The following TYW1B variants were observed in gnomAD, a reference collection of about 807,000 sequenced individuals.
TYW1B encodes tRNA-yW synthesizing protein 1 homolog B, also known as S-adenosyl-L-methionine-dependent tRNA 4-demethylwyosine synthase TYW1B.
Under a neutral mutation model 86.9 loss-of-function variants are expected in TYW1B, and 73 were observed. The observed-to-expected ratio is 0.84, with a 90% CI of 0.70 to 1.02. TYW1B has a LOEUF of 1.02. Ranked by LOEUF, TYW1B falls within the 50% of genes least tolerant of loss-of-function variation. The pLI, the probability that TYW1B is intolerant of heterozygous loss-of-function variation, is 0.00. For synonymous variants in TYW1B, 248 were observed against 292.8 expected, an observed-to-expected ratio of 0.85 and a Z score of 1.56; for missense variants, 637 against 827.4, an observed-to-expected ratio of 0.77 and a Z score of 2.82.
At chr7:72,636,514 T>C (rs1812671217) in intron 11 of TYW1B, among the ~76,000 whole-genome samples, 1 of 152,238 alleles carries the variant, frequency 6.6e-6, no homozygotes, top group South Asian at 2.1e-4. Flanking sequence ...TGTCTTATTC[T>C]GCACAGTAAG....
intron 10 of TYW1B, among the ~76,000 whole-genome samples, chr7:72,701,579 A>G (rs1194967556): frequency 6.6e-6 from 1 of 152,138 alleles, no homozygotes; most frequent in Non-Finnish European, 1.5e-5. Flanking sequence ...TTTAAATATC[A>G]TTAGTGGCAA....
intron 4 of TYW1B, among the ~76,000 whole-genome samples, chr7:72,809,737 C>T (rs1438881040): frequency 1.3e-5 from 2 of 151,998 alleles, no homozygotes; most frequent in Admixed American, 6.6e-5. Context: ...TGATGGCTCA[C>T]ACCTGTAATC....
intron 13 of TYW1B, among the ~76,000 whole-genome samples, chr7:72,584,787 C>T (rs1342389197): frequency 6.6e-6 from 1 of 152,100 alleles, no homozygotes; most frequent in African/African-American, 2.4e-5. Flanking sequence ...ACTTCAACTT[C>T]TGTTGGCATT....
At chr7:72,613,396 ATCTTCTT>A (rs1195667421) in intron 13 of TYW1B, among the ~76,000 whole-genome samples, 4 of 130,402 alleles carry the variant, frequency 3.1e-5, no homozygotes, top group Non-Finnish European at 6.4e-5. Context: ...TTTACTTTAT[ATCTTCTT>A]TTTTTTTTTT....
chr7:72,656,226 A>G (rs1181640472), intron 11 of TYW1B, among the ~76,000 whole-genome samples: 2 of 152,222 alleles, frequency 1.3e-5, no homozygotes, highest in African/African-American at 4.8e-5. Context: ...TTACAATCCA[A>G]AAAGTCATAA....
chr7:72,663,608 T>TA (rs1813387494), intron 11 of TYW1B, among the ~76,000 whole-genome samples: 1 of 151,080 alleles, frequency 6.6e-6, no homozygotes, highest in East Asian at 2.0e-4. Context: ...TATATATATA[T>TA]AAAAAATTAG....
At chr7:72,703,022 A>AT (rs1814521516) in intron 10 of TYW1B, among the ~76,000 whole-genome samples, 73 of 7,138 alleles carry the variant, frequency 0.01, no homozygotes, top group African/African-American at 0.025. Flanking sequence ...ATATATATAT[A>AT]TATATTTTTT....
At chr7:72,812,591 T>C (rs1325945623) in intron 3 of TYW1B, among the ~76,000 whole-genome samples, 2 of 152,160 alleles carry the variant, frequency 1.3e-5, no homozygotes, top group African/African-American at 4.8e-5. Context: ...CACCAATACA[T>C]TTTCTTGGGG....
At chr7:72,760,384 T>C (rs1585963208) in intron 7 of TYW1B, among the ~76,000 whole-genome samples, 1 of 152,210 alleles carries the variant, frequency 6.6e-6, no homozygotes, top group East Asian at 1.9e-4. Context: ...AGTTTAGCCA[T>C]ATGAACAGGT....
intron 8 of TYW1B, among the ~76,000 whole-genome samples, chr7:72,736,162 G>T (rs1787194056): frequency 6.6e-6 from 1 of 152,148 alleles, no homozygotes; most frequent in Admixed American, 6.6e-5. Flanking sequence ...CCATTGGCTG[G>T]AACAGGACCT....
intron 9 of TYW1B, among the ~76,000 whole-genome samples, chr7:72,720,629 C>T (rs1339120889): frequency 6.6e-6 from 1 of 152,108 alleles, no homozygotes; most frequent in African/African-American, 2.4e-5. Flanking sequence ...CTATTTCTTG[C>T]TCTCTGCCAG....
At chr7:72,731,254 G>A (rs1301540635) in intron 8 of TYW1B, among the ~76,000 whole-genome samples, 3 of 150,748 alleles carry the variant, frequency 2.0e-5, no homozygotes, top group Non-Finnish European at 4.4e-5. Flanking sequence ...TACCAGAAAA[G>A]CTTAAGGAAT....
At chr7:72,789,530 T>C (rs1788183836) in intron 6 of TYW1B, among the ~76,000 whole-genome samples, 3 of 152,196 alleles carry the variant, frequency 2.0e-5, no homozygotes, top group Admixed American at 2.0e-4. Context: ...ACACATGACA[T>C]GTATTAGGAA....
At chr7:72,801,086 C>A (rs1188001962) in intron 6 of TYW1B, among the ~76,000 whole-genome samples, 1 of 152,102 alleles carries the variant, frequency 6.6e-6, no homozygotes, top group African/African-American at 2.4e-5. Context: ...CCCAGCACCA[C>A]AGGAGGCCAA....
At chr7:72,818,578 CA>C (rs57325230) in intron 2 of TYW1B, among the ~76,000 whole-genome samples, 270 of 38,418 alleles carry the variant, frequency 7.0e-3, no homozygotes, top group African/African-American at 0.019. Context: ...GACTCCATCT[CA>C]AAAAAAAAAA....
Position 72,717,170 on chromosome 7 carries a change from G to A in TYW1B, c.1193-3372C>T, listed in dbSNP as rs146828504. The stretch of plus-strand genomic sequence containing the variant: ...ACAAAAATTAGCCAGGCGTGGTGGT[G>A]CATGCTCGTAGGCCCAGCTACTCAG... On this transcript the variant is annotated intron_variant, in intron 9 of 13. Coordinates refer to ENST00000620995, the MANE Select transcript of TYW1B (RefSeq NM_001145440.3). Among the ~76,000 whole-genome samples the A allele has an allele frequency of 2.1e-3, 319 of 152,004 alleles. 9 individuals are homozygous for A. In the East Asian group the frequency reaches 0.042, roughly 20 times the overall value.
intron 12 of TYW1B, among the ~76,000 whole-genome samples, chr7:72,622,770 T>C (rs1418224050): frequency 6.7e-6 from 1 of 150,110 alleles, no homozygotes; most frequent in Non-Finnish European, 1.5e-5. Context: ...ACCACACACA[T>C]GCACGCACAC....
chr7:72,789,237 G>A (rs147805550), intron 6 of TYW1B, among the ~76,000 whole-genome samples: 57 of 152,172 alleles, frequency 3.7e-4, no homozygotes, highest in Admixed American at 7.2e-4. Context: ...GAGTTCAAGC[G>A]ATTCTCCTGT....
chr7:72,611,871 T>C (rs536222419), intron 13 of TYW1B, among the ~76,000 whole-genome samples: 31 of 152,316 alleles, frequency 2.0e-4, no homozygotes, highest in African/African-American at 7.2e-4. Context: ...TCAGTCGTTT[T>C]CCCCACTAAA....
Sources: gnomAD v4.1 joint callset for allele counts (sites outside exome capture counted in the v4.1 genomes callset) on GRCh38, gnomAD v4.1.1 for gene constraint, MANE v1.5 for transcripts, NCBI Gene and HGNC (gene_info 2026-07-23, HGNC 2026-07-21) for gene names.